The following NTN5 variants were observed in gnomAD, a reference collection of about 807,000 sequenced individuals.
NTN5 encodes netrin-5.
NTN5 carries 42 observed loss-of-function variants against 38.7 expected under a neutral mutation model. The observed-to-expected ratio is 1.08, with a 90% CI of 0.85 to 1.40. The LOEUF is 1.40. NTN5 is among the 40% of genes most tolerant of loss of function. The probability of loss-of-function intolerance (pLI) is 0.00; values close to 1 mark genes in which losing one functional copy is unlikely to be tolerated. For missense variants in NTN5, 658 were observed against 716.5 expected, an observed-to-expected ratio of 0.92 and a Z score of 0.93; for synonymous variants, 329 against 303.9, an observed-to-expected ratio of 1.08 and a Z score of -0.86.
In NTN5 at chr19:48,672,996, C is replaced by T. The variant is rs981833883; in HGVS notation, c.-85G>A. ...CAGGCTCTTCCTCCAAGCTGTGGCGCGGTGGGCTCTCAGGAGGGAGTGGCG... is the reference window on the plus strand; with the variant it reads ...CAGGCTCTTCCTCCAAGCTGTGGCGTGGTGGGCTCTCAGGAGGGAGTGGCG... On this transcript the variant is annotated 5_prime_UTR_variant, in exon 1 of 7. Transcript: ENST00000270235. 17 of 319,040 alleles carry T rather than the reference C, an allele frequency of 5.3e-5. No individual in the cohort carries two copies. The highest frequency in any genetic ancestry group is 2.8e-4 in the South Asian group (12 of 43,340). The allele number at this position is 319,040 out of a possible 1,614,324, so 19.8% of individuals were successfully genotyped here. A position where few individuals can be genotyped will look rare whatever the true frequency, so the allele number is the denominator to read the frequency against.
Position 48,661,707 on chromosome 19 carries a change from T to TGCCCGCACGCCGCGGCAGCC in NTN5, c.1420_1439dup (p.Pro481AlafsTer29). ...GCTCCGGCCTGGGACTGGGTGTGGG[T>TGCCCGCACGCCGCGGCAGCC]GCCCGCACGCCGCGGCAGCCTCCGG... On this transcript the variant is annotated frameshift_variant, in exon 7 of 7. Transcript: ENST00000270235. LOFTEE classifies it low-confidence loss of function (END_TRUNC). 6.4e-7 allele frequency: 1 copy of TGCCCGCACGCCGCGGCAGCC among 1,557,596 alleles called. No homozygotes were observed. Among genetic ancestry groups the TGCCCGCACGCCGCGGCAGCC allele is most frequent in the Non-Finnish European group, 8.6e-7 (1 of 1,161,536 alleles).
In NTN5 at chr19:48,661,885, AG is replaced by A; in HGVS notation, c.1261del (p.Leu421CysfsTer43). 1 of 1,347,856 alleles carries A rather than the reference AG, an allele frequency of 7.4e-7. No individual in the cohort carries two copies. The allele number at this position is 1,347,856 out of a possible 1,614,324, so 83.5% of individuals were successfully genotyped here. A position where few individuals can be genotyped will look rare whatever the true frequency, so the allele number is the denominator to read the frequency against. ...VPRADLTCGC[L>X]RLQPGTDYLL... ...GTAGTCGGTGCCTGGCTGCAGGCGC[AG>A]GCAGCCGCAGGTCAGGTCGGCGCGG... On this transcript the variant is annotated frameshift_variant, in exon 7 of 7. Transcript: ENST00000270235. LOFTEE classifies it low-confidence loss of function (END_TRUNC).
At chr19:48,663,933 G>A (rs1159707350) in intron 4 of NTN5, 119 bp from the exon 5 acceptor site, 9 of 1,178,952 alleles carry the variant, frequency 7.6e-6, no homozygotes, top group African/African-American at 3.1e-5. Flanking sequence ...ACTCAAGAGT[G>A]CAAGCATCCC....
intron 2 of NTN5, among the ~76,000 whole-genome samples, chr19:48,666,537 AAAAAAGAAGC>A (rs898074359): frequency 1.3e-5 from 2 of 151,866 alleles, no homozygotes; most frequent in African/African-American, 4.8e-5. Context: ...CCTTGTCTTT[AAAAAAGAAGC>A]AAAAATCCAA....
Position 48,661,998 on chromosome 19 carries a change from T to C in NTN5, c.1149A>G (p.Ala383=), listed in dbSNP as rs1180539565. Residue 383 remains alanine (A), a synonymous_variant, in exon 7 of 7, where the codon GCA becomes GCG. Transcript: ENST00000270235. ...QVLASEAAGP[A]WQRLAVRVLA... ...GCACGCGCACGGCCAGCCGCTGCCA[T>C]GCCGGGCCCGCCGCCTCGGACGCTA... 1.3e-6 allele frequency: 2 copies of C among 1,487,782 alleles called. No homozygotes were observed. The highest frequency in any genetic ancestry group is 4.5e-5 in the Admixed American group (2 of 44,484). 92.2% of individuals were successfully genotyped at this position (1,487,782 alleles called of 1,614,324 possible). A position where few individuals can be genotyped will look rare whatever the true frequency, so the allele number is the denominator to read the frequency against.
Position 48,661,546 on chromosome 19 carries a change from C to T in NTN5, c.*131G>A, listed in dbSNP as rs2031538109. 9 of 1,133,056 alleles carry T rather than the reference C, an allele frequency of 7.9e-6. No individual in the cohort carries two copies. The highest frequency in any genetic ancestry group is 9.1e-6 in the Non-Finnish European group (8 of 878,922). The allele number at this position is 1,133,056 out of a possible 1,614,324, so 70.2% of individuals were successfully genotyped here. ...GTTCCGCACGCCTGCTCGGCGTGGG[C>T]GCAAGCATAGTGTCGTCGGGGCTCT... is the stretch of plus-strand genomic sequence containing the variant. On this transcript the variant is annotated 3_prime_UTR_variant, in exon 7 of 7. Transcript: ENST00000270235.
chr19:48,664,451 C>T (rs2031637999), intron 3 of NTN5, 128 bp downstream of exon 3: 1 of 1,311,950 alleles, frequency 7.6e-7, no homozygotes, highest in Admixed American at 2.7e-5. Context: ...CCCTCAGGCC[C>T]AGAGTCCAGG....
At position 48,663,694 on chromosome 19, in the gene NTN5, G is replaced by T. The variant is rs761362090; in HGVS notation, c.1024+67C>A. ...ATGGGTGACCCATGTATCCCCATCT[G>T]GGGACCCAGTCAGCCCATCCTCATT... is the stretch of plus-strand genomic sequence containing the variant. On this transcript the variant is annotated intron_variant, in intron 5 of 6. Coordinates refer to ENST00000270235, the MANE Select transcript of NTN5 (RefSeq NM_145807.4). 5 of 1,550,110 alleles carry T rather than the reference G, an allele frequency of 3.2e-6. No homozygotes were observed. In the South Asian group the frequency reaches 4.5e-5, roughly 14 times the overall value.
rs1476183942 is a variant in NTN5 at position 48,661,661 on chromosome 19, C to T, written c.*16G>A. Reference sequence around the variant, plus strand: ...CAAATTACTTTGTTGGTGCTCGAGGCAGCCCCATCTCACGTCTAGTGCTCC... The same window carrying T: ...CAAATTACTTTGTTGGTGCTCGAGGTAGCCCCATCTCACGTCTAGTGCTCC... On this transcript the variant is annotated 3_prime_UTR_variant, in exon 7 of 7. Coordinates refer to ENST00000270235, the MANE Select transcript of NTN5 (RefSeq NM_145807.4). 3.3e-6 allele frequency: 5 copies of T among 1,525,922 alleles called. No homozygotes were observed. The highest frequency in any genetic ancestry group is 1.7e-4 in the Middle Eastern group (1 of 5,734). The allele number at this position is 1,525,922 out of a possible 1,614,324, so 94.5% of individuals were successfully genotyped here.
Position 48,664,604 on chromosome 19 carries a change from A to G in NTN5, c.795T>C (p.Pro265=), listed in dbSNP as rs2031644927. Residue 265 remains proline (P), a synonymous_variant, in exon 3 of 7, where the codon CCT becomes CCC. Coordinates refer to ENST00000270235, the MANE Select transcript of NTN5 (RefSeq NM_145807.4). ...CTCTGCAGGCCCTGCGGCTGAAGAT[A>G]GGCTGGCTAGGGTCCCTCCAGAACC... ...QPGFWRDPSQ[P]IFSRRACRAC... 7 of 1,613,246 alleles carry G rather than the reference A, an allele frequency of 4.3e-6. No homozygotes were observed. Among genetic ancestry groups the G allele is most frequent in the South Asian group, 1.1e-5 (1 of 90,984 alleles).
In NTN5 at chr19:48,661,547, G is replaced by T; in HGVS notation, c.*130C>A. The stretch of plus-strand genomic sequence containing the variant: ...TTCCGCACGCCTGCTCGGCGTGGGC[G>T]CAAGCATAGTGTCGTCGGGGCTCTG... On this transcript the variant is annotated 3_prime_UTR_variant, in exon 7 of 7. Coordinates refer to ENST00000270235, the MANE Select transcript of NTN5 (RefSeq NM_145807.4). The T allele has an allele frequency of 2.6e-6, 3 of 1,132,228 alleles. No homozygotes were observed. The highest frequency in any genetic ancestry group is 3.4e-6 in the Non-Finnish European group (3 of 878,150). The allele number at this position is 1,132,228 out of a possible 1,614,324, so 70.1% of individuals were successfully genotyped here. A position where few individuals can be genotyped will look rare whatever the true frequency, so the allele number is the denominator to read the frequency against.
At chr19:48,672,563 C>T (rs2031988755) in intron 1 of NTN5, among the ~76,000 whole-genome samples, 1 of 152,212 alleles carries the variant, frequency 6.6e-6, no homozygotes, top group South Asian at 2.1e-4. Context: ...GAGCCTGGCG[C>T]CATTTTGCAC....
intron 2 of NTN5, among the ~76,000 whole-genome samples, chr19:48,669,393 TCAC>T (rs1568452071): frequency 1.2e-3 from 1 of 814 alleles, no homozygotes; most frequent in Non-Finnish European, 2.5e-3. Flanking sequence ...ACCACCACCA[TCAC>T]CACCACCACC....
intron 2 of NTN5, among the ~76,000 whole-genome samples, chr19:48,667,696 G>T (rs1021567501): frequency 2.6e-5 from 4 of 152,062 alleles, no homozygotes; most frequent in Non-Finnish European, 2.9e-5. Flanking sequence ...ATCTCTACTA[G>T]AAATACAAAA....
intron 2 of NTN5, among the ~76,000 whole-genome samples, chr19:48,668,252 C>T (rs1266813105): frequency 6.6e-6 from 1 of 152,200 alleles, no homozygotes; most frequent in African/African-American, 2.4e-5. Context: ...CAAGTGACCT[C>T]TCTTTGAGCC....
rs745956709 is a variant in NTN5, at chr19:48,661,788, C to T, written c.1359G>A (p.Leu453=). The T allele has an allele frequency of 7.2e-7, 1 of 1,388,046 alleles. No homozygotes were observed. The highest frequency in any genetic ancestry group is 9.3e-7 in the Non-Finnish European group (1 of 1,079,354). 86.0% of individuals were successfully genotyped at this position (1,388,046 alleles called of 1,614,324 possible). A position where few individuals can be genotyped will look rare whatever the true frequency, so the allele number is the denominator to read the frequency against. ...RLILDRHGLA[L]PWRPRWARPL... Reference sequence around the variant, plus strand: ...GCCGGGCCCAGCGCGGCCTCCATGGCAGCGCGAGGCCGTGGCGGTCGAGGA... The same window carrying T: ...GCCGGGCCCAGCGCGGCCTCCATGGTAGCGCGAGGCCGTGGCGGTCGAGGA... The change falls in exon 7 of 7, where the codon CTG becomes CTA. Residue 453 remains leucine, a synonymous_variant. Transcript: ENST00000270235.
intron 2 of NTN5, 34 bp downstream of exon 2, chr19:48,670,322 C>T (rs1383890590): frequency 7.2e-7 from 1 of 1,383,286 alleles, no homozygotes; most frequent in South Asian, 1.7e-5. Context: ...GGCAGGCAGG[C>T]AAAGGCAGGG....
At chr19:48,662,876 G>T (rs2031586081) in intron 6 of NTN5, 1 of 201,774 alleles carries the variant, frequency 5.0e-6, no homozygotes, top group African/African-American at 2.3e-5. Flanking sequence ...TAGAACACTA[G>T]TGACCAGATG....
At chr19:48,663,670 T>C in intron 5 of NTN5, 91 bp downstream of exon 5, 1 of 1,511,110 alleles carries the variant, frequency 6.6e-7, no homozygotes, top group Non-Finnish European at 9.2e-7. Context: ...CTGGGCTCAA[T>C]GGGTGACCCA....
Sources: allele counts gnomAD v4.1 joint callset (sites outside exome capture counted in the v4.1 genomes callset), GRCh38; gene constraint gnomAD v4.1.1; transcripts MANE v1.5; gene names NCBI Gene and HGNC (gene_info 2026-07-23, HGNC 2026-07-21).